The following KLF8 variants were observed in gnomAD, a reference collection of about 807,000 sequenced individuals.
KLF8 encodes the protein Krueppel-like factor 8.
KLF8 carries 10 observed loss-of-function variants against 18.2 expected under a neutral mutation model. The ratio of observed to expected loss-of-function variants is 0.55; its 90% CI spans 0.34 to 0.93. The LOEUF (loss-of-function observed/expected upper bound fraction) is 0.93. Among genes scored for constraint, KLF8 ranks in the 40% least tolerant of loss-of-function variants. The pLI is 0.02. For synonymous variants in KLF8, 109 were observed against 97.3 expected, an observed-to-expected ratio of 1.12 and a Z score of -0.71; for missense variants, 264 against 277.9, an observed-to-expected ratio of 0.95 and a Z score of 0.36.
chrX:56,262,291 A>G (rs2066892469), intron 2 of KLF8, among the ~76,000 whole-genome samples: 1 of 112,114 alleles, frequency 8.9e-6, no homozygotes, highest in African/African-American at 3.2e-5. Context: ...ATAGGCTATC[A>G]GTTCTTCAGT....
At chrX:55,932,565 G>T in the KLF8 span, among the ~76,000 whole-genome samples, 82 of 111,563 alleles carry the variant, frequency 7.4e-4, no homozygotes, top group African/African-American at 2.5e-3. Context: ...CAGGCCTGGT[G>T]GTGACAAAAT....
the KLF8 span, among the ~76,000 whole-genome samples, chrX:56,004,064 T>TC: frequency 8.9e-6 from 1 of 112,223 alleles, no homozygotes; most frequent in Non-Finnish European, 1.9e-5. Flanking sequence ...ATTCCTTACT[T>TC]CCCCTTTAAA....
chrX:56,013,429 A>G, the KLF8 span, among the ~76,000 whole-genome samples: 1 of 111,780 alleles, frequency 8.9e-6, no homozygotes, highest in East Asian at 2.8e-4. Flanking sequence ...TGCTGGAATG[A>G]GTAAGACCTT....
At chrX:56,051,637 C>T in the KLF8 span, among the ~76,000 whole-genome samples, 35 of 111,166 alleles carry the variant, frequency 3.1e-4, no homozygotes, top group African/African-American at 7.0e-4. Context: ...TTGAGAGATC[C>T]GCTGTTCATC....
the KLF8 span, among the ~76,000 whole-genome samples, chrX:56,217,318 A>C: frequency 8.9e-6 from 1 of 111,911 alleles, no homozygotes; most frequent in Non-Finnish European, 1.9e-5. Context: ...TGATAGAACC[A>C]AATTAGAGGC....
the KLF8 span, among the ~76,000 whole-genome samples, chrX:56,004,312 T>C: frequency 8.9e-6 from 1 of 112,331 alleles, no homozygotes; most frequent in African/African-American, 3.2e-5. Context: ...GTAATGATGG[T>C]AATGGTTTTA....
the KLF8 span, among the ~76,000 whole-genome samples, chrX:56,157,671 G>A: frequency 9.0e-6 from 1 of 111,562 alleles, no homozygotes; most frequent in African/African-American, 3.3e-5. Context: ...TGTGTCTTTT[G>A]GCTGCATAAA....
the KLF8 span, among the ~76,000 whole-genome samples, chrX:55,968,102 T>G: frequency 9.0e-6 from 1 of 111,426 alleles, no homozygotes; most frequent in East Asian, 2.8e-4. Context: ...TTGGGCTTAA[T>G]CTACACTATA....
At chrX:56,108,369 T>C in the KLF8 span, among the ~76,000 whole-genome samples, 5 of 112,034 alleles carry the variant, frequency 4.5e-5, no homozygotes, top group East Asian at 1.4e-3. Context: ...TTCTGAGGAA[T>C]TATTGTTTCT....
At chrX:56,180,742 G>C in the KLF8 span, among the ~76,000 whole-genome samples, 2 of 111,772 alleles carry the variant, frequency 1.8e-5, no homozygotes, top group African/African-American at 6.5e-5. Flanking sequence ...TCAGGAGCAA[G>C]TAGTTCAGTT....
the KLF8 span, among the ~76,000 whole-genome samples, chrX:56,179,059 A>G: frequency 2.7e-5 from 3 of 112,032 alleles, no homozygotes; most frequent in Admixed American, 9.5e-5. Context: ...CATTGAATCT[A>G]TAAATTACCT....
the KLF8 span, among the ~76,000 whole-genome samples, chrX:56,080,906 C>A: frequency 1.8e-5 from 2 of 110,977 alleles, no homozygotes; most frequent in Non-Finnish European, 3.8e-5. Context: ...ATTTCATCTT[C>A]CATCACTGAT....
chrX:56,075,808 A>G, the KLF8 span, among the ~76,000 whole-genome samples: 1 of 111,961 alleles, frequency 8.9e-6, no homozygotes, highest in Admixed American at 9.5e-5. Flanking sequence ...TAACATAATG[A>G]TCTCCAGTTC....
the KLF8 span, among the ~76,000 whole-genome samples, chrX:56,156,145 T>C: frequency 8.9e-6 from 1 of 112,417 alleles, no homozygotes; most frequent in African/African-American, 3.2e-5. Context: ...GTCTTTTTGG[T>C]AGAATAATTT....
At chrX:56,208,734 G>A in the KLF8 span, among the ~76,000 whole-genome samples, 1 of 111,335 alleles carries the variant, frequency 9.0e-6, no homozygotes, top group African/African-American at 3.3e-5. Flanking sequence ...TCATTGAAGA[G>A]CATATTTTTT....
chrX:56,121,292 C>A, the KLF8 span, among the ~76,000 whole-genome samples: 1 of 108,723 alleles, frequency 9.2e-6, no homozygotes, highest in Admixed American at 9.8e-5. Context: ...AGATAAAGGG[C>A]AAAGGAAGGA....
chrX:56,167,121 T>A, the KLF8 span, among the ~76,000 whole-genome samples: 1 of 111,586 alleles, frequency 9.0e-6, no homozygotes, highest in African/African-American at 3.3e-5. Flanking sequence ...CACATTGCTT[T>A]ATTTTTTCTT....
chrX:56,073,295 G>T, the KLF8 span, among the ~76,000 whole-genome samples: 2 of 112,257 alleles, frequency 1.8e-5, no homozygotes, highest in South Asian at 7.3e-4. Flanking sequence ...CCAGCATTAT[G>T]TTTTTAAGAT....
chrX:56,258,564 C>T (rs1212243427), intron 2 of KLF8, among the ~76,000 whole-genome samples: 2 of 112,166 alleles, frequency 1.8e-5, no homozygotes, highest in East Asian at 2.8e-4. Context: ...CGTGAGCCAC[C>T]GCACCTGGCC....
Sources: gnomAD v4.1 joint callset for allele counts (sites outside exome capture counted in the v4.1 genomes callset) on GRCh38, gnomAD v4.1.1 for gene constraint, MANE v1.5 for transcripts, NCBI Gene and HGNC (gene_info 2026-07-23, HGNC 2026-07-21) for gene names.